STPG2: variants seen among roughly 807,000 people sequenced by gnomAD.
STPG2 encodes sperm tail PG-rich repeat containing 2, also known as sperm-tail PG-rich repeat-containing protein 2.
Under a neutral mutation model 54.2 loss-of-function variants are expected in STPG2, and 56 were observed. The observed-to-expected ratio is 1.03, with a 90% confidence interval of 0.83 to 1.29. The LOEUF is 1.29. Ranked by LOEUF, STPG2 falls within the 50% of genes most tolerant of loss-of-function variation. The pLI is 0.00. For synonymous variants in STPG2, 200 were observed against 181.8 expected (o/e 1.10, Z -0.81); for missense variants, 596 against 544.9 (o/e 1.09, Z -0.93).
At chr4:97,737,929 A>C (rs1013410150) in intron 9 of STPG2, among the ~76,000 whole-genome samples, 1 of 152,204 alleles carries the variant, frequency 6.6e-6, no homozygotes, top group East Asian at 1.9e-4. Context: ...CAAAGTTGAA[A>C]TGAAGGAAAA....
intron 3 of STPG2, among the ~76,000 whole-genome samples, chr4:98,124,124 T>A (rs12646708): frequency 0.14 from 21,296 of 152,146 alleles, 1,634 homozygotes; most frequent in East Asian, 0.32. Flanking sequence ...ATCTTGACTG[T>A]TTATGTGGCC....
intron 5 of STPG2, among the ~76,000 whole-genome samples, chr4:98,031,300 G>A (rs531279684): frequency 1.3e-5 from 2 of 152,212 alleles, no homozygotes; most frequent in Admixed American, 1.3e-4. Flanking sequence ...AAAAATTCTA[G>A]AAGATAACAT....
At chr4:97,889,498 A>G (rs1338191204) in intron 8 of STPG2, among the ~76,000 whole-genome samples, 1 of 152,168 alleles carries the variant, frequency 6.6e-6, no homozygotes, top group Non-Finnish European at 1.5e-5. Flanking sequence ...TAAAAAGTAA[A>G]CCCTTCTATT....
chr4:98,137,035 A>G (rs1270512692), intron 1 of STPG2, among the ~76,000 whole-genome samples: 5 of 151,864 alleles, frequency 3.3e-5, no homozygotes, highest in Non-Finnish European at 7.4e-5. Context: ...TAAAAGTTCT[A>G]AACACCTCAG....
intron 10 of STPG2, among the ~76,000 whole-genome samples, chr4:97,634,710 C>T (rs1246699441): frequency 5.3e-5 from 8 of 151,344 alleles, no homozygotes; most frequent in East Asian, 1.9e-4. Context: ...CCTCAGGAGC[C>T]GATGCAATCA....
chr4:98,025,537 G>A (rs1253512797), intron 5 of STPG2: 1 of 701,886 alleles, frequency 1.4e-6, no homozygotes, highest in East Asian at 2.7e-5. Flanking sequence ...AATACAGGAT[G>A]ATAGTTCGTG....
chr4:97,770,398 G>A (rs1726182493), intron 9 of STPG2, among the ~76,000 whole-genome samples: 1 of 152,142 alleles, frequency 6.6e-6, no homozygotes, highest in Non-Finnish European at 1.5e-5. Flanking sequence ...ACATTACAGG[G>A]TGAAGCTCAT....
Position 97,603,310 on chromosome 4 carries a change from C to T in STPG2, c.1321-44193G>A, listed in dbSNP as rs192095682. On this transcript the variant is annotated intron_variant, in intron 10 of 10. Transcript: ENST00000295268. The stretch of plus-strand genomic sequence containing the variant: ...TGGCTACTATCAAAAAAATAGAAAA[C>T]AACAAATTTTGGCAAGAATGTGTAC... 9.6e-4 allele frequency among the ~76,000 whole-genome samples: 146 copies of T among 151,594 alleles called. No homozygotes were observed. In the Middle Eastern group the frequency reaches 0.014, roughly 14 times the overall value.
intron 5 of STPG2, among the ~76,000 whole-genome samples, chr4:98,022,851 G>C (rs80027069): frequency 1.3e-5 from 2 of 151,844 alleles, no homozygotes; most frequent in South Asian, 2.1e-4. Context: ...GTTCTCGAGC[G>C]TTGGCTTTCA....
chr4:97,681,217 T>C (rs961975587), intron 10 of STPG2, among the ~76,000 whole-genome samples: 1 of 151,880 alleles, frequency 6.6e-6, no homozygotes, highest in Non-Finnish European at 1.5e-5. Flanking sequence ...TTCTTAAATA[T>C]AAAATACAAA....
At chr4:97,938,229 C>A (rs1418801889) in intron 8 of STPG2, among the ~76,000 whole-genome samples, 1 of 152,192 alleles carries the variant, frequency 6.6e-6, no homozygotes, top group Non-Finnish European at 1.5e-5. Context: ...GTAGTCCAGT[C>A]TCCCTGGCAC....
intron 10 of STPG2, among the ~76,000 whole-genome samples, chr4:97,644,957 C>CA (rs1442154008): frequency 2.0e-5 from 3 of 151,916 alleles, no homozygotes; most frequent in African/African-American, 7.3e-5. Flanking sequence ...ATGTCATGCT[C>CA]AAAATTGGAT....
At chr4:97,691,750 A>T (rs895211022) in intron 10 of STPG2, among the ~76,000 whole-genome samples, 2 of 152,152 alleles carry the variant, frequency 1.3e-5, no homozygotes, top group Non-Finnish European at 2.9e-5. Context: ...ATACAAAACC[A>T]GTCCACGTAA....
intron 8 of STPG2, among the ~76,000 whole-genome samples, chr4:97,919,528 G>A (rs971419413): frequency 1.1e-4 from 16 of 151,496 alleles, no homozygotes; most frequent in Non-Finnish European, 2.2e-4. Flanking sequence ...ACAAAAAAAA[G>A]AAGAGAATGT....
chr4:98,130,289 C>T (rs1370857847), intron 2 of STPG2, among the ~76,000 whole-genome samples: 1 of 152,024 alleles, frequency 6.6e-6, no homozygotes, highest in African/African-American at 2.4e-5. Flanking sequence ...GATTCTCGTG[C>T]CTCAGCCTCC....
intron 5 of STPG2, among the ~76,000 whole-genome samples, chr4:98,053,476 T>C (rs922708237): frequency 1.3e-5 from 2 of 152,086 alleles, no homozygotes; most frequent in African/African-American, 2.4e-5. Context: ...TTAGAGCCAT[T>C]AACTATAGCT....
intron 10 of STPG2, among the ~76,000 whole-genome samples, chr4:97,654,865 C>G (rs906762721): frequency 1.2e-4 from 18 of 151,852 alleles, no homozygotes; most frequent in Non-Finnish European, 2.4e-4. Context: ...AAATACTGTA[C>G]AGATTAAAAA....
chr4:97,543,165 G>T (rs1212374687), intron 4 of STPG2, among the ~76,000 whole-genome samples: 1 of 150,822 alleles, frequency 6.6e-6, no homozygotes, highest in Non-Finnish European at 1.5e-5. Flanking sequence ...ATAAAGACCA[G>T]TAAATCCTAC....
downstream of STPG2, among the ~76,000 whole-genome samples, chr4:97,555,620 G>C (rs1296297721): frequency 6.6e-6 from 1 of 152,064 alleles, no homozygotes; most frequent in Admixed American, 6.6e-5. Flanking sequence ...AATTATTTAT[G>C]GTTGTGCTAC....
Sources: allele counts gnomAD v4.1 joint callset (sites outside exome capture counted in the v4.1 genomes callset), GRCh38; gene constraint gnomAD v4.1.1; transcripts MANE v1.5; gene names NCBI Gene and HGNC (gene_info 2026-07-23, HGNC 2026-07-21).